POLR3A: variants seen among roughly 807,000 people sequenced by gnomAD.
The protein encoded by POLR3A is RNA polymerase III subunit A, also known as DNA-directed RNA polymerase III subunit RPC1.
In POLR3A, 112 loss-of-function variants were observed where a neutral mutation model predicts 152.8. That is an observed-to-expected ratio of 0.73 (90% confidence interval 0.63 to 0.86). The LOEUF is 0.86. Ranked by LOEUF, POLR3A falls within the 40% of genes least tolerant of loss-of-function variation. The pLI is 0.00. For missense variants in POLR3A, 1,385 were observed against 1,743.1 expected (o/e 0.79, Z 3.66); for synonymous variants, 615 against 652.1 (o/e 0.94, Z 0.87).
At chr10:78,026,368 C>T in intron 1 of POLR3A, 139 bp from the exon 2 acceptor site, 1 of 833,228 alleles carries the variant, frequency 1.2e-6, no homozygotes, top group Non-Finnish European at 2.0e-6. Context: ...ATATATTTAA[C>T]CCTCTCTCAT....
At chr10:78,012,359 C>T (rs770393247) in intron 11 of POLR3A, among the ~76,000 whole-genome samples, 15 of 149,122 alleles carry the variant, frequency 1.0e-4, no homozygotes, top group East Asian at 3.9e-4. Context: ...AGTAAAACTC[C>T]GTCTCAAACA....
Position 78,009,629 on chromosome 10 carries a change from C to G in POLR3A, c.1817G>C (p.Arg606Thr), listed in dbSNP as rs147944282. 1.7e-5 allele frequency: 28 copies of G among 1,614,166 alleles called. No individual in the cohort carries two copies. The African/African-American group carries it at 3.6e-4, about 21-fold the overall frequency. Residue 606 changes from arginine (R) to threonine (T), a missense_variant, in exon 14 of 31, where the codon AGG becomes ACG. Arg to Thr is a moderately conservative substitution (Grantham distance 71). Around this residue, in one of 7 missense-constraint regions of POLR3A, gnomAD observed 188 missense variants for 179.9 expected, o/e 1.04. Coordinates refer to ENST00000372371, the MANE Select transcript of POLR3A (RefSeq NM_007055.4). The part of the protein sequence containing the change: ...TGKQIFSVIL[R>T]PSDDNPVRAN... ...CCTCACTGGATTGTCATCGCTAGGC[C>G]TGAGGATGACACTGAAGATCTGCTT...
chr10:77,985,032 A>T, intron 24 of POLR3A, 138 bp downstream of exon 24: 1 of 808,554 alleles, frequency 1.2e-6, no homozygotes, highest in Non-Finnish European at 2.1e-6. Flanking sequence ...AAATAGGATT[A>T]ACACAGCAAG....
At chr10:78,019,355 T>C in intron 8 of POLR3A, 90 bp from the exon 9 acceptor site, 2 of 946,502 alleles carry the variant, frequency 2.1e-6, no homozygotes, top group Non-Finnish European at 3.4e-6. Flanking sequence ...TTACTTTCCT[T>C]GTTCAGATTC....
In POLR3A at chr10:77,975,766, T is replaced by C. The variant is rs1847082205; in HGVS notation, c.*1712A>G. ...TACCCTCCCCTGGCCTTTGCACGGA[T>C]CCCAGTGGTCCTGGCTCGGATCAGG... On this transcript the variant is annotated 3_prime_UTR_variant, in exon 31 of 31. Coordinates refer to ENST00000372371, the MANE Select transcript of POLR3A (RefSeq NM_007055.4). 1 of 152,240 alleles carries C rather than the reference T, an allele frequency of 6.6e-6. No individual in the cohort carries two copies. The highest frequency in any genetic ancestry group is 2.4e-5 in the African/African-American group (1 of 41,460). 9.4% of individuals were successfully genotyped at this position (152,240 alleles called of 1,614,324 possible).
At chr10:77,983,649 C>T (rs1265320893) in intron 26 of POLR3A, among the ~76,000 whole-genome samples, 1 of 152,170 alleles carries the variant, frequency 6.6e-6, no homozygotes, top group Admixed American at 6.5e-5. Context: ...ACAACAAGAC[C>T]ACTTATCATA....
chr10:77,991,495 G>A (rs1253977195), intron 20 of POLR3A, among the ~76,000 whole-genome samples: 1 of 152,134 alleles, frequency 6.6e-6, no homozygotes, highest in African/African-American at 2.4e-5. Flanking sequence ...TTTCAAGAGT[G>A]AAAATATTCT....
intron 10 of POLR3A, among the ~76,000 whole-genome samples, chr10:78,014,920 G>A (rs1204961390): frequency 6.6e-6 from 1 of 152,156 alleles, no homozygotes; most frequent in Non-Finnish European, 1.5e-5. Flanking sequence ...AGGAACGATA[G>A]ATTCAAAAAG....
rs186663015 is a variant in POLR3A, at chr10:77,991,531, T to C, written c.2788-364A>G. Among the ~76,000 whole-genome samples the C allele has an allele frequency of 5.9e-3, 896 of 152,312 alleles. 13 individuals are homozygous for C. Among genetic ancestry groups the C allele is most frequent in the African/African-American group, 0.019 (810 of 41,570 alleles). On this transcript the variant is annotated intron_variant, in intron 20 of 30. Transcript: ENST00000372371. ...CCCACTTCTGAAGCTCATAAATTTC[T>C]CTTTTTTTTGAGATGGAGTCTTGCT...
intron 12 of POLR3A, 53 bp downstream of exon 12, chr10:78,010,418 G>A: frequency 7.8e-7 from 1 of 1,285,948 alleles, no homozygotes; most frequent in Non-Finnish European, 1.1e-6. Flanking sequence ...TATGAACGAG[G>A]AACACTGTGT....
intron 22 of POLR3A, 35 bp downstream of exon 22, chr10:77,986,038 G>T: frequency 6.3e-7 from 1 of 1,588,900 alleles, no homozygotes. Flanking sequence ...ACTACAAACA[G>T]CTCGGGGTTC....
chr10:78,013,096 C>T (rs2493568), intron 11 of POLR3A: 85,972 of 169,096 alleles, frequency 0.51, 23,479 homozygotes, highest in Non-Finnish European at 0.6. Flanking sequence ...TCTCCTGCAG[C>T]ATCTACTGGG....
chr10:77,990,074 C>T (rs753223550), intron 21 of POLR3A, among the ~76,000 whole-genome samples: 1 of 152,154 alleles, frequency 6.6e-6, no homozygotes, highest in Non-Finnish European at 1.5e-5. Flanking sequence ...CTTTGGCCTG[C>T]TGATCTTGTG....
At chr10:77,999,843 C>A in intron 19 of POLR3A, 138 bp downstream of exon 19, 1 of 842,258 alleles carries the variant, frequency 1.2e-6, no homozygotes, top group South Asian at 1.6e-5. Flanking sequence ...GGGCATCTAC[C>A]TTTCTACATT....
At chr10:77,977,733 C>A in intron 30 of POLR3A, 107 bp from the exon 31 acceptor site, 1 of 900,914 alleles carries the variant, frequency 1.1e-6, no homozygotes, top group South Asian at 1.3e-5. Context: ...TGAGTCCCAG[C>A]GCCACTCCAC....
chr10:78,001,014 C>G lies in POLR3A; in HGVS notation c.2440G>C (p.Glu814Gln). ...TCAAAATGAGGCAAGGACCTGTTTT[C>G]AAAGCCGTCTGGCACTCGAGAGCCA... is the stretch of plus-strand genomic sequence containing the variant. Reference protein sequence around the residue: ...ISGSRVPDGFENRSLPHFEKH... With the variant: ...ISGSRVPDGFQNRSLPHFEKH... Residue 814 changes from glutamate to glutamine, a missense_variant, in exon 18 of 31, where the codon GAA becomes CAA. Glu to Gln is a conservative substitution (Grantham distance 29). Coordinates refer to ENST00000372371, the MANE Select transcript of POLR3A (RefSeq NM_007055.4). The G allele has an allele frequency of 6.2e-7, 1 of 1,610,540 alleles. No homozygotes were observed. The highest frequency in any genetic ancestry group is 2.2e-5 in the East Asian group (1 of 44,844).
At position 77,985,972 on chromosome 10, in the gene POLR3A, T is replaced by G. The variant is rs1045750567; in HGVS notation, c.3002A>C (p.Tyr1001Ser). ...DNGTTEPRVL[Y>S]QLDRITPTQV... The stretch of plus-strand genomic sequence containing the variant: ...GGTGGGGGTGATGCGGTCCAGCTGG[T>G]ACAGCACACGGGGCTGGGAGAATAC... The change falls in exon 23 of 31, where the codon TAC becomes TCC. Residue 1001 changes from tyrosine to serine, a missense_variant. Tyr to Ser is a moderately radical substitution (Grantham distance 144, BLOSUM62 -2). Around this residue, in one of 7 missense-constraint regions of POLR3A, gnomAD observed 178 missense variants for 204.6 expected, o/e 0.87. Transcript: ENST00000372371. The G allele has an allele frequency of 6.2e-7, 1 of 1,614,012 alleles. No homozygotes were observed. The highest frequency in any genetic ancestry group is 2.2e-5 in the East Asian group (1 of 44,868).
At chr10:78,003,924 A>G (rs2162665) in intron 16 of POLR3A, among the ~76,000 whole-genome samples, 1 of 151,726 alleles carries the variant, frequency 6.6e-6, no homozygotes, top group African/African-American at 2.4e-5. Flanking sequence ...GTGAGACTCC[A>G]TCTTAAAACA....
At chr10:78,018,621 C>T (rs1484808539) in intron 9 of POLR3A, among the ~76,000 whole-genome samples, 1 of 151,980 alleles carries the variant, frequency 6.6e-6, no homozygotes, top group African/African-American at 2.4e-5. Flanking sequence ...CTTGCTCTGT[C>T]GCCCAGGCTG....
Sources: gnomAD v4.1 joint callset for allele counts (sites outside exome capture counted in the v4.1 genomes callset) on GRCh38, gnomAD v4.1.1 for gene constraint, gnomAD v4.1.1 regional missense constraint, MANE v1.5 for transcripts, NCBI Gene and HGNC (gene_info 2026-07-23, HGNC 2026-07-21) for gene names.